The following NBAS variants were observed in gnomAD, a reference collection of about 807,000 sequenced individuals.
NBAS encodes the protein NAG/BC035112 fusion.
NBAS carries 219 observed loss-of-function variants against 302.5 expected under a neutral mutation model. That is an observed-to-expected ratio of 0.72 (90% CI 0.65 to 0.81). The LOEUF is 0.81. NBAS is among the 30% of genes least tolerant of loss of function. NBAS has a pLI of 0.00. For synonymous variants in NBAS, 1,118 were observed against 1,021.6 expected, an observed-to-expected ratio of 1.09 and a Z score of -1.80; for missense variants, 2,932 against 2,841.6, an observed-to-expected ratio of 1.03 and a Z score of -0.72.
the NBAS span, among the ~76,000 whole-genome samples, chr2:14,800,993 T>G: frequency 6.6e-6 from 1 of 152,224 alleles, no homozygotes; most frequent in Admixed American, 6.5e-5. Flanking sequence ...TTTCCTCTAT[T>G]TTTTGAAAGA....
At chr2:15,329,444 G>A (rs931667136) in intron 36 of NBAS, among the ~76,000 whole-genome samples, 6 of 152,204 alleles carry the variant, frequency 3.9e-5, no homozygotes, top group African/African-American at 7.2e-5. Context: ...TTCTCTCACC[G>A]GGAGGACTGA....
At chr2:14,953,572 C>G in the NBAS span, among the ~76,000 whole-genome samples, 3 of 152,106 alleles carry the variant, frequency 2.0e-5, no homozygotes, top group Non-Finnish European at 4.4e-5. Flanking sequence ...TCTGGTCATC[C>G]CCTTTCCTAG....
At chr2:15,091,149 G>A in the NBAS span, among the ~76,000 whole-genome samples, 1 of 152,184 alleles carries the variant, frequency 6.6e-6, no homozygotes, top group African/African-American at 2.4e-5. Context: ...AGTCCAGGCT[G>A]TCTGTCGGTT....
the NBAS span, among the ~76,000 whole-genome samples, chr2:15,115,620 C>T: frequency 4.6e-5 from 7 of 152,142 alleles, no homozygotes; most frequent in Non-Finnish European, 8.8e-5. Flanking sequence ...CCCGCTTCAG[C>T]CTCTTAAGTA....
At chr2:14,996,981 C>T in the NBAS span, among the ~76,000 whole-genome samples, 11 of 152,040 alleles carry the variant, frequency 7.2e-5, no homozygotes, top group Admixed American at 5.9e-4. Flanking sequence ...ACAAAGAAAA[C>T]AAGACTGTGC....
chr2:15,413,697 C>T (rs1235730073), intron 25 of NBAS, among the ~76,000 whole-genome samples: 2 of 152,276 alleles, frequency 1.3e-5, no homozygotes, highest in East Asian at 3.9e-4. Context: ...ACCTTCCAAG[C>T]CACTCTAGAG....
At chr2:15,153,633 T>G in the NBAS span, among the ~76,000 whole-genome samples, 24,646 of 152,236 alleles carry the variant, frequency 0.16, 2,375 homozygotes, top group East Asian at 0.26. Flanking sequence ...TTTTAAATCG[T>G]GTTATTCCCA....
At chr2:15,342,760 T>A (rs1672914385) in intron 35 of NBAS, among the ~76,000 whole-genome samples, 1 of 152,086 alleles carries the variant, frequency 6.6e-6, no homozygotes, top group Non-Finnish European at 1.5e-5. Flanking sequence ...ATGTATCTAT[T>A]TTATCATAGA....
chr2:15,416,014 G>A (rs2148460292), intron 24 of NBAS, among the ~76,000 whole-genome samples: 1 of 152,114 alleles, frequency 6.6e-6, no homozygotes, highest in African/African-American at 2.4e-5. Context: ...CTCAGCTCTA[G>A]AAAACCAACA....
chr2:15,158,054 C>T, the NBAS span, among the ~76,000 whole-genome samples: 7 of 152,286 alleles, frequency 4.6e-5, no homozygotes, highest in South Asian at 2.1e-4. Flanking sequence ...TCTCTGGACC[C>T]GGTGGCTGCC....
At chr2:14,940,370 G>A in the NBAS span, among the ~76,000 whole-genome samples, 1 of 152,118 alleles carries the variant, frequency 6.6e-6, no homozygotes, top group African/African-American at 2.4e-5. Flanking sequence ...CCAGTCATGT[G>A]ACATGTCTGT....
the NBAS span, among the ~76,000 whole-genome samples, chr2:15,135,853 G>A: frequency 2.9e-5 from 4 of 137,002 alleles, no homozygotes; most frequent in African/African-American, 8.7e-5. Flanking sequence ...TAACACTAAC[G>A]ATAGCTGATG....
At chr2:15,522,028 A>G (rs1662696944) in intron 9 of NBAS, among the ~76,000 whole-genome samples, 1 of 152,230 alleles carries the variant, frequency 6.6e-6, no homozygotes, top group Non-Finnish European at 1.5e-5. Flanking sequence ...ATAGGAAGCT[A>G]GACAGATTAA....
the NBAS span, among the ~76,000 whole-genome samples, chr2:15,005,322 T>C: frequency 6.6e-6 from 1 of 152,238 alleles, no homozygotes. Flanking sequence ...CACCGTTCTA[T>C]TCTGTTGCTT....
the NBAS span, among the ~76,000 whole-genome samples, chr2:14,875,355 C>T: frequency 6.6e-6 from 1 of 152,152 alleles, no homozygotes; most frequent in Admixed American, 6.5e-5. Flanking sequence ...CATGGTGGCT[C>T]AAGCCTGTAA....
Position 15,186,857 on chromosome 2 carries a change from C to A in NBAS, c.6596G>T (p.Arg2199Ile). The A allele has an allele frequency of 6.2e-7, 1 of 1,613,930 alleles. No homozygotes were observed. The change falls in exon 50 of 52, where the codon AGA becomes ATA. Residue 2199 changes from arginine to isoleucine, a missense_variant. By Grantham distance (97) the Arg-to-Ile change is moderately conservative (BLOSUM62 -3). Transcript: ENST00000281513. ...TCTGGTTAGCATCACTGTAGCTAGT[C>A]TCACCCATGGATTATTGGTTATGCT... ...EYVITNNPWVRLATVMLTRCT... is the reference protein window; with the variant it reads ...EYVITNNPWVILATVMLTRCT...
chr2:14,892,457 G>C, the NBAS span, among the ~76,000 whole-genome samples: 5,786 of 152,198 alleles, frequency 0.038, 139 homozygotes, highest in Non-Finnish European at 0.051. Flanking sequence ...TTCCCTGTCC[G>C]ACAACTAATT....
chr2:15,364,040 A>C (rs751012673), intron 32 of NBAS, among the ~76,000 whole-genome samples: 1 of 152,192 alleles, frequency 6.6e-6, no homozygotes, highest in African/African-American at 2.4e-5. Context: ...GCCTCTTACC[A>C]ATAGCCATAA....
At chr2:14,828,330 G>A in the NBAS span, among the ~76,000 whole-genome samples, 1 of 152,148 alleles carries the variant, frequency 6.6e-6, no homozygotes, top group Admixed American at 6.5e-5. Flanking sequence ...CCATGGAAGG[G>A]GCATTTGAGC....
Sources: gnomAD v4.1 joint callset for allele counts (sites outside exome capture counted in the v4.1 genomes callset) on GRCh38, gnomAD v4.1.1 for gene constraint, MANE v1.5 for transcripts, NCBI Gene and HGNC (gene_info 2026-07-23, HGNC 2026-07-21) for gene names.